PTPRD: variants seen among roughly 807,000 people sequenced by gnomAD.
PTPRD encodes the protein receptor-type tyrosine-protein phosphatase delta.
PTPRD carries 34 observed loss-of-function variants against 214.5 expected under a neutral mutation model. The observed-to-expected ratio is 0.16, with a 90% CI of 0.12 to 0.21. The LOEUF (loss-of-function observed/expected upper bound fraction) is 0.21, where lower values mean the gene tolerates loss of function less well. Among genes scored for constraint, PTPRD ranks in the 10% least tolerant of loss-of-function variants. The pLI is 1.00. For synonymous variants in PTPRD, 1,128 were observed against 845.7 expected (o/e 1.33, Z -5.79); for missense variants, 2,545 against 2,398.7 (o/e 1.06, Z -1.27).
At chr9:9,550,360 A>G (rs1231254255) in intron 8 of PTPRD, among the ~76,000 whole-genome samples, 1 of 150,258 alleles carries the variant, frequency 6.7e-6, no homozygotes, top group Admixed American at 6.7e-5. Flanking sequence ...AGAAGTATAT[A>G]TATTTCTCAT....
At chr9:9,330,066 A>T (rs1053475659) in intron 9 of PTPRD, among the ~76,000 whole-genome samples, 19 of 152,242 alleles carry the variant, frequency 1.2e-4, no homozygotes, top group Admixed American at 1.2e-3. Flanking sequence ...TTACGTAGAG[A>T]AACATAATGC....
intron 8 of PTPRD, among the ~76,000 whole-genome samples, chr9:9,553,494 A>G (rs893639513): frequency 2.0e-5 from 3 of 152,006 alleles, no homozygotes; most frequent in South Asian, 2.1e-4. Context: ...CCCAAACTCT[A>G]TAAGTAGAAG....
intron 14 of PTPRD, among the ~76,000 whole-genome samples, chr9:8,631,230 A>C (rs532167099): frequency 1.3e-4 from 20 of 152,012 alleles, no homozygotes; most frequent in Admixed American, 3.3e-4. Context: ...CTAAAATCTA[A>C]TTTCTAACTC....
chr9:10,295,220 A>T (rs1207165263), intron 3 of PTPRD, among the ~76,000 whole-genome samples: 1 of 152,082 alleles, frequency 6.6e-6, no homozygotes, highest in African/African-American at 2.4e-5. Flanking sequence ...AACAAAGACC[A>T]TCAAACAATT....
rs187908638 is a variant in PTPRD at position 9,612,203 on chromosome 9, C to T, written c.-286-37422G>A. ...TTTGTGGAAAGATGTTTCATTATAC[C>T]TATCTGTAGGGGGAATAAAAAAAAC... On this transcript the variant is annotated intron_variant, in intron 7 of 45. Transcript: ENST00000381196. 6.6e-5 allele frequency among the ~76,000 whole-genome samples: 10 copies of T among 151,650 alleles called. No individual in the cohort carries two copies. In the East Asian group the frequency reaches 1.9e-3, roughly 29 times the overall value.
chr9:8,588,622 T>C (rs1165850960), intron 14 of PTPRD, among the ~76,000 whole-genome samples: 1 of 152,218 alleles, frequency 6.6e-6, no homozygotes, highest in Non-Finnish European at 1.5e-5. Flanking sequence ...GGAGAAAAGA[T>C]ATTTTCATTT....
intron 3 of PTPRD, among the ~76,000 whole-genome samples, chr9:10,305,133 T>G (rs2096013505): frequency 6.6e-6 from 1 of 151,932 alleles, no homozygotes; most frequent in Admixed American, 6.6e-5. Context: ...TTGACAAACC[T>G]GACAAAAACA....
chr9:8,678,008 C>T (rs557137793), intron 12 of PTPRD, among the ~76,000 whole-genome samples: 18 of 152,270 alleles, frequency 1.2e-4, no homozygotes, highest in Admixed American at 7.8e-4. Context: ...TCTCTCTCTC[C>T]TGCTATCTCT....
Position 9,354,734 on chromosome 9 carries a change from G to A in PTPRD, c.-203+42715C>T, listed in dbSNP as rs568824303. On this transcript the variant is annotated intron_variant, in intron 9 of 45. Transcript: ENST00000381196. Reference sequence around the variant, plus strand: ...TAAGAAGGATTTGAAGTATCAGCAAGGGATTAGGTAAGTAAGATAGCATGA... The same window carrying A: ...TAAGAAGGATTTGAAGTATCAGCAAAGGATTAGGTAAGTAAGATAGCATGA... 1.4e-3 allele frequency among the ~76,000 whole-genome samples: 216 copies of A among 151,900 alleles called. 1 individual carries two copies. The highest frequency in any genetic ancestry group is 3.4e-3 in the Middle Eastern group (1 of 294).
At chr9:9,968,625 G>C (rs2094875959) in intron 4 of PTPRD, among the ~76,000 whole-genome samples, 1 of 152,030 alleles carries the variant, frequency 6.6e-6, no homozygotes, top group African/African-American at 2.4e-5. Flanking sequence ...GAAGGGAAGG[G>C]TAGGCTTCCT....
intron 11 of PTPRD, among the ~76,000 whole-genome samples, chr9:8,991,412 G>T (rs1237193867): frequency 1.3e-5 from 2 of 151,914 alleles, no homozygotes; most frequent in Admixed American, 6.6e-5. Flanking sequence ...CCCCCTACAA[G>T]GTGCTCAGTA....
At chr9:9,389,419 A>T (rs1194911102) in intron 9 of PTPRD, among the ~76,000 whole-genome samples, 1 of 152,154 alleles carries the variant, frequency 6.6e-6, no homozygotes, top group African/African-American at 2.4e-5. Flanking sequence ...CTGAGGTAGG[A>T]GAATTGCTTG....
chr9:9,414,611 C>G (rs1306207061), intron 8 of PTPRD: 1 of 152,144 alleles, frequency 6.6e-6, no homozygotes, highest in Non-Finnish European at 1.5e-5. Context: ...TCTTCATCAT[C>G]TCTTAGATAC....
intron 4 of PTPRD, among the ~76,000 whole-genome samples, chr9:9,969,299 G>C (rs546715693): frequency 3.3e-5 from 5 of 152,130 alleles, no homozygotes; most frequent in East Asian, 1.9e-4. Context: ...CACTAGCAAG[G>C]ACCAAGTCCT....
At chr9:8,418,553 A>T (rs1293808692) in intron 35 of PTPRD, among the ~76,000 whole-genome samples, 1 of 151,570 alleles carries the variant, frequency 6.6e-6, no homozygotes, top group Non-Finnish European at 1.5e-5. Flanking sequence ...TGCATGTAAA[A>T]TGTATGTAAA....
chr9:10,535,893 G>C (rs373599280), intron 2 of PTPRD, among the ~76,000 whole-genome samples: 2 of 152,124 alleles, frequency 1.3e-5, no homozygotes, highest in African/African-American at 4.8e-5. Context: ...CACAAAGTGA[G>C]AAAGCAGACA....
intron 39 of PTPRD, among the ~76,000 whole-genome samples, chr9:8,364,136 G>A (rs1468464946): frequency 2.0e-5 from 3 of 152,200 alleles, no homozygotes; most frequent in Non-Finnish European, 4.4e-5. Flanking sequence ...CCAGCAGATG[G>A]CATGGTCAGA....
chr9:9,783,936 C>T (rs1253829926), intron 5 of PTPRD, among the ~76,000 whole-genome samples: 1 of 151,398 alleles, frequency 6.6e-6, no homozygotes, highest in Non-Finnish European at 1.5e-5. Flanking sequence ...AGACTAAAGC[C>T]ATAGGTTAGC....
chr9:9,964,615 G>T (rs2094565091), intron 4 of PTPRD, among the ~76,000 whole-genome samples: 1 of 152,056 alleles, frequency 6.6e-6, no homozygotes, highest in African/African-American at 2.4e-5. Flanking sequence ...CTTACAACAG[G>T]TTTGATTTTC....
Sources: allele counts gnomAD v4.1 joint callset (sites outside exome capture counted in the v4.1 genomes callset), GRCh38; gene constraint gnomAD v4.1.1; transcripts MANE v1.5; gene names NCBI Gene and HGNC (gene_info 2026-07-23, HGNC 2026-07-21).